TIMM23B: variants seen among roughly 807,000 people sequenced by gnomAD.
TIMM23B encodes mitochondrial import inner membrane translocase subunit Tim23B.
A neutral mutation model predicts 27.3 loss-of-function variants in TIMM23B; 27 were observed. That is an observed-to-expected ratio of 0.99 (90% CI 0.73 to 1.36). The LOEUF (loss-of-function observed/expected upper bound fraction) is 1.36, where lower values mean the gene tolerates loss of function less well. TIMM23B is among the 40% of genes most tolerant of loss of function. The probability of loss-of-function intolerance (pLI) is 0.00; values close to 1 mark genes in which losing one functional copy is unlikely to be tolerated. For synonymous variants in TIMM23B, 73 were observed against 92.4 expected, an observed-to-expected ratio of 0.79 and a Z score of 1.21; for missense variants, 205 against 244.2, an observed-to-expected ratio of 0.84 and a Z score of 1.07.
Position 49,955,445 on chromosome 10 carries a change from A to G in TIMM23B, c.403+385A>G, listed in dbSNP as rs1242172060. On this transcript the variant is annotated intron_variant, in intron 5 of 6. Coordinates refer to ENST00000651259, the MANE Select transcript of TIMM23B (RefSeq NM_001290117.2). ...GATAAATTAATCCAGCCCTCTTGCT[A>G]TGTTTTCTTAATAGCGTGTTCATTA... Among the ~76,000 whole-genome samples the G allele has an allele frequency of 1.1e-4, 17 of 152,314 alleles. No homozygotes were observed. In the East Asian group the frequency reaches 2.9e-3, roughly 26 times the overall value.
chr10:49,965,028 C>T (rs1282659638), intron 6 of TIMM23B, among the ~76,000 whole-genome samples: 1 of 152,172 alleles, frequency 6.6e-6, no homozygotes, highest in Non-Finnish European at 1.5e-5. Context: ...CAAGATCAGC[C>T]TGGCCAACAT....
chr10:49,963,841 T>A (rs1267304691), intron 6 of TIMM23B, among the ~76,000 whole-genome samples: 1 of 152,108 alleles, frequency 6.6e-6, no homozygotes, highest in Non-Finnish European at 1.5e-5. Context: ...AGCGGGTGCC[T>A]GTAATCCCAG....
At chr10:49,949,197 C>CTT (rs1318050672) in intron 2 of TIMM23B, among the ~76,000 whole-genome samples, 3,306 of 106,436 alleles carry the variant, frequency 0.031, 96 homozygotes, top group Non-Finnish European at 0.038. Context: ...CATGCCTGGC[C>CTT]TTTTTTTTTT....
At chr10:49,957,929 C>T (rs1372281339) in intron 5 of TIMM23B, among the ~76,000 whole-genome samples, 1 of 152,164 alleles carries the variant, frequency 6.6e-6, no homozygotes, top group Non-Finnish European at 1.5e-5. Context: ...TTTCTTCTTC[C>T]TGGGTATGGG....
At chr10:49,957,470 G>C (rs1839765278) in intron 5 of TIMM23B, among the ~76,000 whole-genome samples, 2 of 151,938 alleles carry the variant, frequency 1.3e-5, no homozygotes, top group African/African-American at 4.8e-5. Flanking sequence ...TGCCCAGACT[G>C]GTCTCTGACT....
intron 6 of TIMM23B, among the ~76,000 whole-genome samples, chr10:49,961,041 A>G (rs1414333863): frequency 6.6e-6 from 1 of 152,112 alleles, no homozygotes; most frequent in Non-Finnish European, 1.5e-5. Context: ...AAAATGGTCC[A>G]GGAAAAGTAT....
chr10:49,955,854 T>C (rs1247313698), intron 5 of TIMM23B, among the ~76,000 whole-genome samples: 25 of 152,272 alleles, frequency 1.6e-4, no homozygotes, highest in African/African-American at 5.8e-4. Flanking sequence ...GTTTTCACAC[T>C]TTGGATCCTA....
chr10:49,960,542 C>T (rs1487945803), intron 6 of TIMM23B, among the ~76,000 whole-genome samples: 1 of 152,094 alleles, frequency 6.6e-6, no homozygotes, highest in Non-Finnish European at 1.5e-5. Flanking sequence ...AGCTCATTTA[C>T]CATTCTCTGA....
intron 6 of TIMM23B, among the ~76,000 whole-genome samples, chr10:49,962,385 T>C (rs1839949467): frequency 6.6e-6 from 1 of 152,088 alleles, no homozygotes; most frequent in Non-Finnish European, 1.5e-5. Flanking sequence ...GTATTTTTAA[T>C]AGAGTCGGGG....
chr10:49,949,870 A>G (rs1839467954), intron 2 of TIMM23B, among the ~76,000 whole-genome samples: 1 of 150,834 alleles, frequency 6.6e-6, no homozygotes, highest in African/African-American at 2.4e-5. Context: ...TTAATAGTAG[A>G]CACAGGGTCT....
chr10:49,962,481 G>A (rs2132042718), intron 6 of TIMM23B, among the ~76,000 whole-genome samples: 1 of 152,214 alleles, frequency 6.6e-6, no homozygotes, highest in East Asian at 1.9e-4. Flanking sequence ...GATTACAGGC[G>A]TGAACCACCA....
At position 49,952,528 on chromosome 10, in the gene TIMM23B, T is replaced by C. The variant is rs1839567354; in HGVS notation, c.339T>C (p.Asn113=). ...ACATGGCCTGGTCCAAACCAGGAAA[T>C]GTACAGTAAGTCTCTTGTAACCATC... ...TQNMAWSKPG[N]VQILNMVTRQ... is the part of the protein sequence containing the mutation. Residue 113 remains asparagine, a synonymous_variant, in exon 4 of 7, where the codon AAT becomes AAC. Transcript: ENST00000651259. 5.0e-6 allele frequency: 8 copies of C among 1,613,146 alleles called. No individual in the cohort carries two copies. In the Admixed American group the frequency reaches 1.3e-4, roughly 27 times the overall value.
intron 6 of TIMM23B, among the ~76,000 whole-genome samples, chr10:49,968,906 C>G (rs1359857191): frequency 6.6e-6 from 1 of 152,176 alleles, no homozygotes; most frequent in Non-Finnish European, 1.5e-5. Context: ...AAAGGTCCGC[C>G]TAATACCTTG....
chr10:49,952,640 T>G, intron 4 of TIMM23B, 107 bp downstream of exon 4: 1 of 1,311,064 alleles, frequency 7.6e-7, no homozygotes, highest in Non-Finnish European at 1.0e-6. Flanking sequence ...CATAGTTATG[T>G]GCTTTTTTGT....
chr10:49,966,772 G>C (rs1180422250), intron 6 of TIMM23B, among the ~76,000 whole-genome samples: 1 of 150,580 alleles, frequency 6.6e-6, no homozygotes, highest in Non-Finnish European at 1.5e-5. Context: ...TTGCCATGAG[G>C]CAAGATCGCG....
intron 1 of TIMM23B, among the ~76,000 whole-genome samples, chr10:49,944,699 C>A (rs1338754505): frequency 4.1e-4 from 63 of 152,342 alleles, no homozygotes; most frequent in African/African-American, 1.5e-3. Context: ...TATATAGTCA[C>A]CAAGCATTCT....
chr10:49,951,773 A>T (rs1839536827), intron 2 of TIMM23B, among the ~76,000 whole-genome samples: 1 of 152,184 alleles, frequency 6.6e-6, no homozygotes, highest in Non-Finnish European at 1.5e-5. Flanking sequence ...CTACAGAATG[A>T]AAGTTATTTG....
At position 49,973,735 on chromosome 10, in the gene TIMM23B, AGT is replaced by A. The variant is rs1336001057; in HGVS notation, c.*676_*677del. On this transcript the variant is annotated 3_prime_UTR_variant, in exon 7 of 7. Transcript: ENST00000651259. The stretch of plus-strand genomic sequence containing the variant: ...CACAAGCATGGTTTGTGAATTTGGA[AGT>A]GTGTATGTGCATAGTTGTGCTCAAG... The A allele has an allele frequency of 1.3e-5, 2 of 151,702 alleles. No homozygotes were observed. The highest frequency in any genetic ancestry group is 1.3e-4 in the Admixed American group (2 of 15,256). 9.4% of individuals were successfully genotyped at this position (151,702 alleles called of 1,614,324 possible).
chr10:49,953,523 T>C (rs1341813741), intron 4 of TIMM23B, among the ~76,000 whole-genome samples: 6 of 152,112 alleles, frequency 3.9e-5, no homozygotes, highest in East Asian at 1.9e-4. Context: ...TTTTTTAATT[T>C]TTTGTAGAGA....
Sources: allele counts gnomAD v4.1 joint callset (sites outside exome capture counted in the v4.1 genomes callset), GRCh38; gene constraint gnomAD v4.1.1; transcripts MANE v1.5; gene names NCBI Gene and HGNC (gene_info 2026-07-23, HGNC 2026-07-21).